Variants in UNC79 observed in about 807,000 individuals in gnomAD.
UNC79 encodes protein unc-79 homolog.
UNC79 carries 37 observed loss-of-function variants against 283.1 expected under a neutral mutation model. That is an observed-to-expected ratio of 0.13 (90% CI 0.10 to 0.17). UNC79 has a LOEUF of 0.17. Ranked by LOEUF, UNC79 falls within the 10% of genes least tolerant of loss-of-function variation. UNC79 has a pLI of 1.00. For missense variants in UNC79, 2,272 were observed against 3,211.1 expected, an observed-to-expected ratio of 0.71 and a Z score of 7.07; for synonymous variants, 1,107 against 1,200.2, an observed-to-expected ratio of 0.92 and a Z score of 1.61.
At chr14:93,429,376 T>C (rs1299182340), upstream of UNC79, among the ~76,000 whole-genome samples, 1 of 152,224 alleles carries the variant, frequency 6.6e-6, no homozygotes, top group African/African-American at 2.4e-5. Context: ...CAGCAGGATG[T>C]CAGAGTCCAA....
In UNC79 at chr14:93,344,419, T is replaced by TC. The variant is rs2053781123; in HGVS notation, c.-351+10898dup. Among the ~76,000 whole-genome samples, 3 of 152,178 alleles carry TC rather than the reference T, an allele frequency of 2.0e-5. 1 individual carries two copies. In the South Asian group the frequency reaches 6.2e-4, roughly 32 times the overall value. On this transcript the variant is annotated intron_variant, in intron 1 of 49. Transcript: ENST00000256339. ...CCCAGAACTCAAGGAGAGGAAAGTG[T>TC]CCTAACTTCAGAATAGGGAGAATTC... is the stretch of plus-strand genomic sequence containing the variant.
intron 22 of UNC79, among the ~76,000 whole-genome samples, chr14:93,591,729 G>A (rs770418477): frequency 6.6e-6 from 1 of 152,324 alleles, no homozygotes; most frequent in East Asian, 1.9e-4. Context: ...CACTTCCAGC[G>A]TCACTAGTGG....
At chr14:93,359,253 T>A (rs905299119) in intron 1 of UNC79, among the ~76,000 whole-genome samples, 1 of 152,198 alleles carries the variant, frequency 6.6e-6, no homozygotes, top group Non-Finnish European at 1.5e-5. Flanking sequence ...GAGGAAGGGA[T>A]CCAAAGGCTT....
chr14:93,634,762 C>T, intron 31 of UNC79, 125 bp downstream of exon 34: 1 of 869,332 alleles, frequency 1.2e-6, no homozygotes, highest in Non-Finnish European at 1.9e-6. Flanking sequence ...GGTAATTTTT[C>T]AAAACCACCT....
rs190573894 is a variant in UNC79 at position 93,655,420 on chromosome 14, G to C, written c.6456+13G>C. On this transcript the variant is annotated intron_variant, in intron 38 of 48. Coordinates refer to ENST00000555664, the Ensembl canonical transcript of UNC79. ...TTTACCTCTGAAGGTAAGCTGAGCC[G>C]AAGGTTTCATTTTCAATTAATTTCT... is the stretch of plus-strand genomic sequence containing the variant. The C allele has an allele frequency of 1.9e-6, 3 of 1,609,108 alleles. No homozygotes were observed. Among genetic ancestry groups the C allele is most frequent in the South Asian group, 2.2e-5 (2 of 90,758 alleles).
chr14:93,670,985 A>T (rs8008513), intron 40 of UNC79, among the ~76,000 whole-genome samples: 2,059 of 152,370 alleles, frequency 0.014, 45 homozygotes, highest in African/African-American at 0.047. Flanking sequence ...ACTTTTCTGC[A>T]CATGTGTTAT....
chr14:93,606,604 C>T (rs1355791239), intron 26 of UNC79, among the ~76,000 whole-genome samples: 1 of 152,184 alleles, frequency 6.6e-6, no homozygotes, highest in Admixed American at 6.5e-5. Context: ...TAATGAGCTC[C>T]TCTTTGCGGA....
chr14:93,570,689 A>G (rs551457507), intron 14 of UNC79, among the ~76,000 whole-genome samples: 2 of 152,034 alleles, frequency 1.3e-5, no homozygotes, highest in Non-Finnish European at 2.9e-5. Flanking sequence ...TTTCCATTTC[A>G]TCCTCCCCTA....
intron 1 of UNC79, among the ~76,000 whole-genome samples, chr14:93,452,897 A>G (rs1331543808): frequency 6.6e-6 from 1 of 152,170 alleles, no homozygotes; most frequent in Non-Finnish European, 1.5e-5. Flanking sequence ...CAGTCTTTAG[A>G]GAGTTGTACT....
chr14:93,402,026 C>T (rs987789922), intron 1 of UNC79, among the ~76,000 whole-genome samples: 1 of 151,968 alleles, frequency 6.6e-6, no homozygotes, highest in Admixed American at 6.6e-5. Flanking sequence ...GCCTGTAATC[C>T]CAGCACTTTG....
At chr14:93,415,332 T>C (rs1482399397) in intron 1 of UNC79, among the ~76,000 whole-genome samples, 6 of 152,308 alleles carry the variant, frequency 3.9e-5, no homozygotes, top group East Asian at 3.9e-4. Flanking sequence ...TATTGATTTG[T>C]GTATATTGAA....
chr14:93,360,589 A>C (rs2054200558), intron 1 of UNC79, among the ~76,000 whole-genome samples: 1 of 152,216 alleles, frequency 6.6e-6, no homozygotes, highest in African/African-American at 2.4e-5. Context: ...CACCAGAAGC[A>C]ATTTGCCTTC....
chr14:93,692,641 G>A (rs2074784890), intron 46 of UNC79, among the ~76,000 whole-genome samples: 1 of 152,194 alleles, frequency 6.6e-6, no homozygotes, highest in Non-Finnish European at 1.5e-5. Context: ...GGCTTATAGG[G>A]ACCTATGCTC....
intron 1 of UNC79, among the ~76,000 whole-genome samples, chr14:93,361,493 A>C (rs1262738156): frequency 1.4e-5 from 2 of 142,542 alleles, no homozygotes; most frequent in Non-Finnish European, 3.0e-5. Flanking sequence ...CCTGGGCGAC[A>C]CAGTGAGACA....
chr14:93,662,903 C>CAAACACACAT (rs936171376), intron 40 of UNC79, among the ~76,000 whole-genome samples, 189 bp downstream of exon 43: 4 of 151,830 alleles, frequency 2.6e-5, no homozygotes, highest in African/African-American at 9.7e-5. Flanking sequence ...CACACACACA[C>CAAACACACAT]AAACACACAT....
intron 28 of UNC79, 83 bp from the exon 30 acceptor site, chr14:93,618,108 CA>C: frequency 2.1e-6 from 3 of 1,454,666 alleles, no homozygotes; most frequent in Non-Finnish European, 1.8e-6. Context: ...AGAGATACTG[CA>C]AAAAGTATCC....
At chr14:93,446,777 T>C (rs1268274101) in intron 1 of UNC79, among the ~76,000 whole-genome samples, 2 of 152,234 alleles carry the variant, frequency 1.3e-5, no homozygotes, top group African/African-American at 4.8e-5. Flanking sequence ...CTATTTTTGT[T>C]AGAGAATATA....
intron 40 of UNC79, 71 bp from the exon 44 acceptor site, chr14:93,673,280 C>G: frequency 7.4e-7 from 1 of 1,359,258 alleles, no homozygotes; most frequent in Non-Finnish European, 1.0e-6. Context: ...TTTTTGGAAG[C>G]TCTTTTGACA....
At chr14:93,645,768 C>T (rs1265956906) in intron 34 of UNC79, among the ~76,000 whole-genome samples, 1 of 152,038 alleles carries the variant, frequency 6.6e-6, no homozygotes, top group Non-Finnish European at 1.5e-5. Context: ...GTTTAGTTTA[C>T]TTGTCAATGT....
Sources: gnomAD v4.1 joint callset for allele counts (sites outside exome capture counted in the v4.1 genomes callset) on GRCh38, gnomAD v4.1.1 for gene constraint, MANE v1.5 for transcripts, NCBI Gene and HGNC (gene_info 2026-07-23, HGNC 2026-07-21) for gene names.